IPO8: variants seen among roughly 807,000 people sequenced by gnomAD.
IPO8 encodes importin-8.
Under a neutral mutation model 141.2 loss-of-function variants are expected in IPO8, and 65 were observed. That is an observed-to-expected ratio of 0.46 (90% CI 0.38 to 0.57). IPO8 has a LOEUF of 0.57. Among genes scored for constraint, IPO8 ranks in the 20% least tolerant of loss-of-function variants. The pLI is 0.00. For synonymous variants in IPO8, 411 were observed against 420.3 expected (o/e 0.98, Z 0.27); for missense variants, 980 against 1,246.8 (o/e 0.79, Z 3.22).
rs1293255621 is a variant in IPO8, at chr12:30,634,152, C to T, written c.2830G>A (p.Gly944Arg). The T allele has an allele frequency of 5.6e-6, 9 of 1,613,926 alleles. No individual in the cohort carries two copies. Among genetic ancestry groups the T allele is most frequent in the Non-Finnish European group, 7.6e-6 (9 of 1,179,894 alleles). The change falls in exon 23 of 25, where the codon GGG becomes AGG. Residue 944 changes from glycine (G) to arginine (R), a missense_variant. Physicochemically the swap from Gly to Arg is moderately radical, Grantham distance 125 (BLOSUM62 -2). This residue lies in a region of IPO8 where 924 missense variants were observed against 1,153.9 expected (regional missense o/e 0.80). Transcript: ENST00000256079. ...EEVLEETALE[G>R]FSTPLDLDNS... ...TCAAGGTCAAGTGGAGTACTGAACC[C>T]CTCAAGCGCGGTTTCTTCCAATACT...
At chr12:30,635,871 A>T (rs978782539) in intron 22 of IPO8, among the ~76,000 whole-genome samples, 7 of 152,092 alleles carry the variant, frequency 4.6e-5, no homozygotes, top group Non-Finnish European at 1.0e-4. Context: ...GAAGTACAAG[A>T]AAGTGTGGGA....
intron 17 of IPO8, 30 bp from the exon 18 acceptor site, chr12:30,653,122 G>A (rs2052751028): frequency 6.3e-7 from 1 of 1,596,726 alleles, no homozygotes; most frequent in Non-Finnish European, 8.5e-7. Context: ...TAGTTAGAAT[G>A]CTAGGAAATA....
At chr12:30,694,546 T>C (rs1172543932) in intron 1 of IPO8, among the ~76,000 whole-genome samples, 1 of 152,164 alleles carries the variant, frequency 6.6e-6, no homozygotes, top group African/African-American at 2.4e-5. Flanking sequence ...AGGCACAGAA[T>C]CACCTGGGGG....
At chr12:30,665,637 C>T in intron 12 of IPO8, 92 bp downstream of exon 12, 1 of 771,404 alleles carries the variant, frequency 1.3e-6, no homozygotes, top group Non-Finnish European at 2.2e-6. Flanking sequence ...CAGAGGTAGT[C>T]ACCAGCTTTA....
chr12:30,634,347 C>G, intron 22 of IPO8, 61 bp from the exon 23 acceptor site: 2 of 1,406,620 alleles, frequency 1.4e-6, no homozygotes, highest in Non-Finnish European at 2.0e-6. Flanking sequence ...TATAAAACTT[C>G]ACGACAAAAA....
intron 1 of IPO8, among the ~76,000 whole-genome samples, chr12:30,690,855 C>T (rs1311278796): frequency 1.3e-5 from 2 of 152,160 alleles, no homozygotes; most frequent in Admixed American, 6.5e-5. Flanking sequence ...ACACTCCCAA[C>T]AGCAGCATAT....
intron 5 of IPO8, among the ~76,000 whole-genome samples, chr12:30,679,621 T>G (rs938340910): frequency 2.0e-5 from 3 of 152,020 alleles, no homozygotes; most frequent in African/African-American, 4.8e-5. Flanking sequence ...CTATCCCTAT[T>G]AAAAGTTTAA....
chr12:30,649,258 CAGT>C, intron 19 of IPO8, 26 bp from the exon 20 acceptor site: 1 of 1,524,378 alleles, frequency 6.6e-7, no homozygotes, highest in Non-Finnish European at 9.1e-7. Flanking sequence ...TTTAGCTCAG[CAGT>C]AAGTGGCACT....
chr12:30,647,155 A>T (rs1228735350), intron 20 of IPO8, among the ~76,000 whole-genome samples: 1 of 152,198 alleles, frequency 6.6e-6, no homozygotes. Flanking sequence ...AAAAACCCTC[A>T]CATTACAGTC....
chr12:30,664,697 T>C (rs1451913007), intron 13 of IPO8, among the ~76,000 whole-genome samples: 4 of 152,182 alleles, frequency 2.6e-5, no homozygotes, highest in African/African-American at 9.6e-5. Context: ...CAAGTGAGGC[T>C]AGGGTGACAA....
In IPO8 at chr12:30,630,425, G is replaced by A; in HGVS notation, c.*435C>T. 6.4e-6 allele frequency: 1 copy of A among 156,362 alleles called. No individual in the cohort carries two copies. Among genetic ancestry groups the A allele is most frequent in the Non-Finnish European group, 1.4e-5 (1 of 71,058 alleles). 9.7% of individuals were successfully genotyped at this position (156,362 alleles called of 1,614,324 possible). On this transcript the variant is annotated 3_prime_UTR_variant, in exon 25 of 25. Transcript: ENST00000256079. ...ATAACCAAGGTTTATGTTGTATCTAGAAATATGTTTTATGCTTTAAAAAAA... is the reference window on the plus strand; with the variant it reads ...ATAACCAAGGTTTATGTTGTATCTAAAAATATGTTTTATGCTTTAAAAAAA...
At position 30,677,048 on chromosome 12, in the gene IPO8, C is replaced by T. The variant is rs907999523; in HGVS notation, c.640-461G>A. The T allele has an allele frequency of 9.2e-6, 14 of 1,523,848 alleles. No individual in the cohort carries two copies. The African/African-American group carries it at 1.8e-4, about 19-fold the overall frequency. 94.4% of individuals were successfully genotyped at this position (1,523,848 alleles called of 1,614,324 possible). ...TACTAAACAGATATATGGCTCACCTCTGCTGTACTGTGAGTTGCAGAAGAC... is the reference window on the plus strand; with the variant it reads ...TACTAAACAGATATATGGCTCACCTTTGCTGTACTGTGAGTTGCAGAAGAC... On this transcript the variant is annotated intron_variant, in intron 5 of 24. Transcript: ENST00000256079.
At chr12:30,681,907 T>C (rs948742920) in intron 3 of IPO8, 90 bp from the exon 4 acceptor site, 12 of 1,129,192 alleles carry the variant, frequency 1.1e-5, no homozygotes, top group East Asian at 5.3e-5. Context: ...AAGTTTGTTA[T>C]CTTCTATTTA....
chr12:30,637,177 GGTC>G lies in IPO8; in HGVS notation c.2497_2499del (p.Asp833del). On this transcript the variant is annotated inframe_deletion, in exon 22 of 25. Coordinates refer to ENST00000256079, the MANE Select transcript of IPO8 (RefSeq NM_006390.4). Reference sequence around the variant, plus strand: ...CTCAGTCCTATTATACACATCTTCCGGTCATGATGCCTGCAAATTTTGAAGAAA... The same window carrying G: ...CTCAGTCCTATTATACACATCTTCCGATGATGCCTGCAAATTTTGAAGAAA... 1 of 1,612,064 alleles carries G rather than the reference GGTC, an allele frequency of 6.2e-7. No individual in the cohort carries two copies. Among genetic ancestry groups the G allele is most frequent in the Non-Finnish European group, 8.5e-7 (1 of 1,179,254 alleles).
intron 3 of IPO8, among the ~76,000 whole-genome samples, chr12:30,683,578 C>A (rs1249898315): frequency 6.6e-6 from 1 of 152,166 alleles, no homozygotes; most frequent in African/African-American, 2.4e-5. Context: ...TTTACAGCTG[C>A]TCTGTCCAAT....
At position 30,682,392 on chromosome 12, in the gene IPO8, A is replaced by G. The variant is rs115652994; in HGVS notation, c.324-575T>C. ...CCCCAAGTATAAGAAAGAAACATGTATTATTAGCGAGGCAATTCCTGAAGA... is the reference window on the plus strand; with the variant it reads ...CCCCAAGTATAAGAAAGAAACATGTGTTATTAGCGAGGCAATTCCTGAAGA... On this transcript the variant is annotated intron_variant, in intron 3 of 24. Transcript: ENST00000256079. Among the ~76,000 whole-genome samples, 675 of 152,314 alleles carry G rather than the reference A, an allele frequency of 4.4e-3. 5 individuals carry two copies. Among genetic ancestry groups the G allele is most frequent in the African/African-American group, 0.015 (626 of 41,580 alleles).
At chr12:30,659,532 A>T (rs1309231708) in intron 16 of IPO8, among the ~76,000 whole-genome samples, 1 of 150,692 alleles carries the variant, frequency 6.6e-6, no homozygotes, top group Non-Finnish European at 1.5e-5. Flanking sequence ...GTCATCTTCC[A>T]TTGGCACGTC....
rs1253529486 is a variant in IPO8, at chr12:30,695,840, C to G, written c.-193G>C. 3.7e-6 allele frequency: 2 copies of G among 534,976 alleles called. No homozygotes were observed. Among genetic ancestry groups the G allele is most frequent in the East Asian group, 3.3e-5 (1 of 30,722 alleles). The allele number at this position is 534,976 out of a possible 1,614,324, so 33.1% of individuals were successfully genotyped here. A position where few individuals can be genotyped will look rare whatever the true frequency, so the allele number is the denominator to read the frequency against. ...GCCCCCTGTCCTCCCTTTTTCCCCC[C>G]CACAACTCGCTCTCCATTCACCGTT... On this transcript the variant is annotated 5_prime_UTR_variant, in exon 1 of 25. Transcript: ENST00000256079. The surrounding 1 kb of genome is among the most constrained non-coding windows in gnomAD (Gnocchi z 4.2).
At chr12:30,676,652 T>C in intron 5 of IPO8, 65 bp from the exon 6 acceptor site, 2 of 1,167,218 alleles carry the variant, frequency 1.7e-6, no homozygotes. Flanking sequence ...CAATTTTATC[T>C]ATATTGTAAG....
Sources: allele counts gnomAD v4.1 joint callset (sites outside exome capture counted in the v4.1 genomes callset), GRCh38; gene constraint gnomAD v4.1.1; regional missense constraint gnomAD v4.1.1; non-coding constraint Gnocchi (gnomAD v3.1); transcripts MANE v1.5; gene names NCBI Gene and HGNC (gene_info 2026-07-23, HGNC 2026-07-21).